The following STK32C variants were observed in gnomAD, a reference collection of about 807,000 sequenced individuals.
STK32C encodes the protein serine/threonine-protein kinase 32C.
A neutral mutation model predicts 56.5 loss-of-function variants in STK32C; 31 were observed. The observed-to-expected ratio is 0.55, with a 90% CI of 0.41 to 0.74. The LOEUF (loss-of-function observed/expected upper bound fraction) is 0.74, where lower values mean the gene tolerates loss of function less well. STK32C is among the 30% of genes least tolerant of loss of function. The pLI is 0.00. For missense variants in STK32C, 544 were observed against 676.9 expected, an observed-to-expected ratio of 0.80 and a Z score of 2.18; for synonymous variants, 309 against 289.4, an observed-to-expected ratio of 1.07 and a Z score of -0.69.
At chr10:132,274,969 G>A (rs923002259) in intron 1 of STK32C, among the ~76,000 whole-genome samples, 1 of 152,186 alleles carries the variant, frequency 6.6e-6, no homozygotes, top group Non-Finnish European at 1.5e-5. Context: ...GGTGACAGCC[G>A]GGACAGGGAC....
chr10:132,231,151 C>T lies in STK32C; in HGVS notation c.319-3023G>A, dbSNP rs937075094. 5.3e-5 allele frequency among the ~76,000 whole-genome samples: 8 copies of T among 152,252 alleles called. No homozygotes were observed. The East Asian group carries it at 1.3e-3, about 26-fold the overall frequency. On this transcript the variant is annotated intron_variant, in intron 2 of 11. Transcript: ENST00000298630. ...CCTGCTCTCCCCGTCACACGCATCC[C>T]ATCACCCACAGCCAGGGAGCAGGGA...
intron 1 of STK32C, among the ~76,000 whole-genome samples, chr10:132,267,911 G>A (rs1431364291): frequency 2.7e-5 from 4 of 147,938 alleles, no homozygotes; most frequent in African/African-American, 1.0e-4. Flanking sequence ...GTGTGTGTGT[G>A]TCAGTGCGTG....
chr10:132,253,905 T>C (rs897009878), intron 1 of STK32C, among the ~76,000 whole-genome samples: 2 of 152,364 alleles, frequency 1.3e-5, no homozygotes, highest in Non-Finnish European at 2.9e-5. Context: ...GACCCGCCTC[T>C]GCGTCTAGCA....
chr10:132,282,478 C>T (rs960594225), intron 1 of STK32C, among the ~76,000 whole-genome samples: 1 of 106,414 alleles, frequency 9.4e-6, no homozygotes. Flanking sequence ...CCTGTACCTG[C>T]GCCCACCTGT....
chr10:132,250,736 C>T lies in STK32C; in HGVS notation c.263-4781G>A, dbSNP rs183015064. 2.7e-3 allele frequency among the ~76,000 whole-genome samples: 407 copies of T among 152,342 alleles called. 3 individuals are homozygous for T. The highest frequency in any genetic ancestry group is 9.3e-3 in the African/African-American group (387 of 41,572). On this transcript the variant is annotated intron_variant, in intron 1 of 11. Coordinates refer to ENST00000298630, the MANE Select transcript of STK32C (RefSeq NM_173575.4). ...AGAGAGGAGACCCGGGCAAGTGTTC[C>T]TGAACCTTCCACGTCTCCGCCTGGC... is the stretch of plus-strand genomic sequence containing the variant.
In STK32C at chr10:132,209,075, G is replaced by C. The variant is rs150156301; in HGVS notation, c.1278C>G (p.Leu426=). 8 of 1,613,720 alleles carry C rather than the reference G, an allele frequency of 5.0e-6. No homozygotes were observed. Among genetic ancestry groups the C allele is most frequent in the African/African-American group, 4.0e-5 (3 of 74,920 alleles). ...TCACGAAGTCTTGCTGGATGGCATC[G>C]AGGCAGTCTTGAAGATAGTCATTCT... ...QSENDYLQDC[L]DAIQQDFVIF... is the part of the protein sequence containing the mutation. The change falls in exon 11 of 12, where the codon CTC becomes CTG. Residue 426 remains leucine, a synonymous_variant. Coordinates refer to ENST00000298630, the MANE Select transcript of STK32C (RefSeq NM_173575.4).
chr10:132,313,973 A>T (rs1190914969), intron 1 of STK32C, among the ~76,000 whole-genome samples: 1 of 152,174 alleles, frequency 6.6e-6, no homozygotes, highest in Non-Finnish European at 1.5e-5. Context: ...CTTTCCCACA[A>T]GAGTTCGCAG....
In STK32C at chr10:132,235,493, T is replaced by TCAAAAAAAAAAAA. The variant is rs1565091831; in HGVS notation, c.319-7366_319-7365insTTTTTTTTTTTTG. Among the ~76,000 whole-genome samples the TCAAAAAAAAAAAA allele has an allele frequency of 2.9e-4, 21 of 72,394 alleles. 2 individuals are homozygous for TCAAAAAAAAAAAA. The highest frequency in any genetic ancestry group is 0.013 in the Middle Eastern group (1 of 78). 47.5% of individuals were successfully genotyped at this position (72,394 alleles called of 152,430 possible). A position where few individuals can be genotyped will look rare whatever the true frequency, so the allele number is the denominator to read the frequency against. On this transcript the variant is annotated intron_variant, in intron 2 of 11. Transcript: ENST00000298630. ...CCTGGCAACAGAGCAAGACTCAGCCTTAAAAAAAAAAAAAAAAAAAAGGAA... is the reference window on the plus strand; with the variant it reads ...CCTGGCAACAGAGCAAGACTCAGCCTCAAAAAAAAAAAATAAAAAAAAAAAAAAAAAAAAGGAA...
At chr10:132,267,742 T>C (rs1176751239) in intron 1 of STK32C, among the ~76,000 whole-genome samples, 2 of 136,004 alleles carry the variant, frequency 1.5e-5, no homozygotes, top group Non-Finnish European at 3.2e-5. Context: ...ATCGTGTGTG[T>C]GTGTGTCGGT....
intron 1 of STK32C, among the ~76,000 whole-genome samples, chr10:132,325,445 C>T (rs999811405): frequency 6.6e-6 from 1 of 151,296 alleles, no homozygotes. Context: ...CCCAGCTACT[C>T]GGGAGGCTGA....
intron 1 of STK32C, among the ~76,000 whole-genome samples, chr10:132,279,721 C>G (rs75507454): frequency 1.2e-3 from 74 of 62,264 alleles, no homozygotes; most frequent in African/African-American, 3.9e-3. Context: ...ACTCCACTCC[C>G]TGATCACACC....
At chr10:132,319,751 T>G (rs2066369134), downstream of STK32C, among the ~76,000 whole-genome samples, 1 of 152,172 alleles carries the variant, frequency 6.6e-6, no homozygotes, top group African/African-American at 2.4e-5. Flanking sequence ...TGGTATAAAT[T>G]TACTGTAAAT....
intron 1 of STK32C, among the ~76,000 whole-genome samples, chr10:132,294,448 G>T (rs1207968940): frequency 6.6e-6 from 1 of 152,190 alleles, no homozygotes; most frequent in African/African-American, 2.4e-5. Context: ...GGCAGGGAGT[G>T]AGTGAGTTTG....
intron 10 of STK32C, among the ~76,000 whole-genome samples, chr10:132,211,009 C>T (rs2062281246): frequency 6.6e-6 from 1 of 152,218 alleles, no homozygotes; most frequent in Admixed American, 6.5e-5. Context: ...AAGAAGCCGG[C>T]AGACTCCCAC....
chr10:132,281,725 G>T (rs1266117144), intron 1 of STK32C, among the ~76,000 whole-genome samples: 1 of 152,234 alleles, frequency 6.6e-6, no homozygotes, highest in Admixed American at 6.5e-5. Flanking sequence ...AGGTCCCCGG[G>T]AGACGAAAAG....
At chr10:132,210,658 G>C (rs1219250491) in intron 10 of STK32C, among the ~76,000 whole-genome samples, 1 of 152,262 alleles carries the variant, frequency 6.6e-6, no homozygotes, top group Non-Finnish European at 1.5e-5. Context: ...GAACGGTTCA[G>C]GGATTTGCTG....
rs1023400898 is a variant in STK32C at position 132,255,971 on chromosome 10, C to T, written c.263-10016G>A. Among the ~76,000 whole-genome samples the T allele has an allele frequency of 1.3e-5, 2 of 152,212 alleles. No homozygotes were observed. Among genetic ancestry groups the T allele is most frequent in the Non-Finnish European group, 2.9e-5 (2 of 68,018 alleles). On this transcript the variant is annotated intron_variant, in intron 1 of 11. Coordinates refer to ENST00000298630, the MANE Select transcript of STK32C (RefSeq NM_173575.4). This position sits in a 1 kb window ranked among gnomAD's most constrained non-coding sequence, Gnocchi z 4.6. ...GGAGCCCTGGTGTCCAGCTTGGACT[C>T]GCCCGGGTGGCTTGGCGGCTTCCCG...
chr10:132,270,516 G>A (rs1459273566), intron 1 of STK32C, among the ~76,000 whole-genome samples: 2 of 152,348 alleles, frequency 1.3e-5, no homozygotes, highest in Admixed American at 6.5e-5. Flanking sequence ...CTGGAACTGA[G>A]AGTGAATGTG....
chr10:132,209,158 TC>T, intron 10 of STK32C, 57 bp from the exon 11 acceptor site: 1 of 1,503,066 alleles, frequency 6.7e-7, no homozygotes. Context: ...TCCGCCCATG[TC>T]CCCTCAAGTG....
Sources: gnomAD v4.1 joint callset for allele counts (sites outside exome capture counted in the v4.1 genomes callset) on GRCh38, gnomAD v4.1.1 for gene constraint, Gnocchi (gnomAD v3.1) non-coding constraint, MANE v1.5 for transcripts, NCBI Gene and HGNC (gene_info 2026-07-23, HGNC 2026-07-21) for gene names.